The following KASH5 variants were observed in gnomAD, a reference collection of about 807,000 sequenced individuals.
KASH5 encodes the protein protein KASH5.
In KASH5, 72 loss-of-function variants were observed where a neutral mutation model predicts 84.2. That is an observed-to-expected ratio of 0.85 (90% CI 0.71 to 1.04). KASH5 has a LOEUF of 1.04. KASH5 is among the 50% of genes least tolerant of loss of function. The pLI is 0.00. For missense variants in KASH5, 650 were observed against 701.0 expected, an observed-to-expected ratio of 0.93 and a Z score of 0.82; for synonymous variants, 260 against 279.1, an observed-to-expected ratio of 0.93 and a Z score of 0.68.
Position 49,395,404 on chromosome 19 carries a change from TGAGGCTGTG to T in KASH5, c.335+116_335+124del. On this transcript the variant is annotated intron_variant, in intron 4 of 19. Coordinates refer to ENST00000447857, the MANE Select transcript of KASH5 (RefSeq NM_144688.5). The surrounding 1 kb of genome is among the most constrained non-coding windows in gnomAD (Gnocchi z 4.4). Reference sequence around the variant, plus strand: ...GCCCAAGGACCTACTGTGTTTGGAATGAGGCTGTGGAGAGAAAAATGAAGAGACGGGATT... The same window carrying T: ...GCCCAAGGACCTACTGTGTTTGGAATGAGAGAAAAATGAAGAGACGGGATT... The T allele has an allele frequency of 8.5e-7, 1 of 1,179,742 alleles. No individual in the cohort carries two copies. 73.1% of individuals were successfully genotyped at this position (1,179,742 alleles called of 1,614,324 possible). A position where few individuals can be genotyped will look rare whatever the true frequency, so the allele number is the denominator to read the frequency against.
At chr19:49,415,403 T>C (rs1974873378) in intron 17 of KASH5, 2 of 315,846 alleles carry the variant, frequency 6.3e-6, no homozygotes, top group Non-Finnish European at 1.2e-5. Context: ...CCCCCCTGCC[T>C]GCAGCCACAC....
intron 2 of KASH5, among the ~76,000 whole-genome samples, chr19:49,392,145 C>T (rs972714052): frequency 6.6e-6 from 1 of 151,956 alleles, no homozygotes; most frequent in African/African-American, 2.4e-5. Flanking sequence ...GGTAGGAACA[C>T]ACCCAGAAGG....
At chr19:49,393,066 C>A (rs73931776) in intron 2 of KASH5, among the ~76,000 whole-genome samples, 1 of 152,086 alleles carries the variant, frequency 6.6e-6, no homozygotes, top group Non-Finnish European at 1.5e-5. Flanking sequence ...TGCAGAGAAT[C>A]CTGGAAGAGT....
At chr19:49,390,074 A>G (rs1456769460) in intron 1 of KASH5, 1 of 152,396 alleles carries the variant, frequency 6.6e-6, no homozygotes, top group Non-Finnish European at 1.5e-5. Flanking sequence ...GTCCGGGGGC[A>G]TTAGGGAGCC....
In KASH5 at chr19:49,416,994, G is replaced by A. The variant is rs766631277; in HGVS notation, c.1375-21G>A. 6.7e-5 allele frequency: 105 copies of A among 1,571,766 alleles called. No homozygotes were observed. Among genetic ancestry groups the A allele is most frequent in the Non-Finnish European group, 8.5e-5 (98 of 1,159,166 alleles). ...CAGTCCAGAACCCGGTGCCTCCAAC[G>A]CATCTCTTCTGTCCTTGCAGGCTGA... is the stretch of plus-strand genomic sequence containing the variant. On this transcript the variant is annotated intron_variant, in intron 17 of 19. Coordinates refer to ENST00000447857, the MANE Select transcript of KASH5 (RefSeq NM_144688.5). The surrounding 1 kb of genome is among the most constrained non-coding windows in gnomAD (Gnocchi z 5.4).
intron 2 of KASH5, chr19:49,393,532 C>T (rs1270547824): frequency 1.3e-5 from 2 of 152,306 alleles, no homozygotes; most frequent in Admixed American, 6.5e-5. Flanking sequence ...GGCAGGGAGC[C>T]TAGAAGTTCA....
chr19:49,399,919 T>C lies in KASH5; in HGVS notation c.798+412T>C, dbSNP rs1200754866. The C allele has an allele frequency of 5.3e-6, 1 of 190,178 alleles. No individual in the cohort carries two copies. Among genetic ancestry groups the C allele is most frequent in the Non-Finnish European group, 1.1e-5 (1 of 90,742 alleles). The allele number at this position is 190,178 out of a possible 1,614,324, so 11.8% of individuals were successfully genotyped here. On this transcript the variant is annotated intron_variant, in intron 9 of 19. Coordinates refer to ENST00000447857, the MANE Select transcript of KASH5 (RefSeq NM_144688.5). The surrounding 1 kb of genome is among the most constrained non-coding windows in gnomAD (Gnocchi z 4.4). Reference sequence around the variant, plus strand: ...TAAAAGTTATCTAGCATTGTTTCTATATTAGTATTTTTTACAGTGAATAAA... The same window carrying C: ...TAAAAGTTATCTAGCATTGTTTCTACATTAGTATTTTTTACAGTGAATAAA...
At chr19:49,410,371 G>C (rs1425994517) in intron 15 of KASH5, among the ~76,000 whole-genome samples, 1 of 151,870 alleles carries the variant, frequency 6.6e-6, no homozygotes, top group East Asian at 1.9e-4. Context: ...GTCTTATTCT[G>C]TTGCCAAGGC....
Position 49,394,875 on chromosome 19 carries a change from T to C in KASH5, c.149-231T>C, listed in dbSNP as rs545436402. 4.4e-4 allele frequency: 262 copies of C among 590,916 alleles called. 4 individuals are homozygous for C. The South Asian group carries it at 5.0e-3, about 11-fold the overall frequency. 36.6% of individuals were successfully genotyped at this position (590,916 alleles called of 1,614,324 possible). ...CGTGGGGCATGGCTGATGCTGTCCC[T>C]ATGTCCATCCCCTTTGGTTTACCCT... is the stretch of plus-strand genomic sequence containing the variant. On this transcript the variant is annotated intron_variant, in intron 3 of 19. Transcript: ENST00000447857.
rs2122219155 is a variant in KASH5 at position 49,412,317 on chromosome 19, G to A, written c.1270-651G>A. Among the ~76,000 whole-genome samples, 1 of 152,190 alleles carries A rather than the reference G, an allele frequency of 6.6e-6. No individual in the cohort carries two copies. The highest frequency in any genetic ancestry group is 2.4e-5 in the African/African-American group (1 of 41,522). ...ACAGACAGACATAATTGGGGTGGAG[G>A]GACAGAGCAGGGGTCAGACGGGATG... On this transcript the variant is annotated intron_variant, in intron 15 of 19. Coordinates refer to ENST00000447857, the MANE Select transcript of KASH5 (RefSeq NM_144688.5). This position sits in a 1 kb window ranked among gnomAD's most constrained non-coding sequence, Gnocchi z 4.6.
chr19:49,399,661 G>A lies in KASH5; in HGVS notation c.798+154G>A. ...AATGTCCCTGAGGTTATATCACACT[G>A]TGAGAACAGCCGTGGTTTACAAGAG... On this transcript the variant is annotated intron_variant, in intron 9 of 19. Transcript: ENST00000447857. The surrounding 1 kb of genome is among the most constrained non-coding windows in gnomAD (Gnocchi z 4.4). 6.7e-7 allele frequency: 1 copy of A among 1,495,712 alleles called. No individual in the cohort carries two copies. Among genetic ancestry groups the A allele is most frequent in the Admixed American group, 2.1e-5 (1 of 47,832 alleles). The allele number at this position is 1,495,712 out of a possible 1,614,324, so 92.7% of individuals were successfully genotyped here. A position where few individuals can be genotyped will look rare whatever the true frequency, so the allele number is the denominator to read the frequency against.
chr19:49,396,250 T>A (rs11670630), intron 5 of KASH5, among the ~76,000 whole-genome samples: 5 of 78,020 alleles, frequency 6.4e-5, no homozygotes, highest in African/African-American at 2.6e-4. Context: ...GGACTTTTTT[T>A]TTTTTTTTTT....
rs774595587 is a variant in KASH5, at chr19:49,417,161, C to T, written c.1442C>T (p.Pro481Leu). ...GDIPENPPER[P>L]ARRELQQALV... is the part of the protein sequence containing the mutation. ...GATTCCCTCCTTCACCCCAGCAGAC[C>T]TGCGCGGCGGGAACTCCAGCAAGCC... Residue 481 changes from proline to leucine, a missense_variant and splice_region_variant, in exon 19 of 20, where the codon CCT becomes CTT. Pro to Leu is a moderately conservative substitution (Grantham distance 98, BLOSUM62 -3). Coordinates refer to ENST00000447857, the MANE Select transcript of KASH5 (RefSeq NM_144688.5). This position sits in a 1 kb window ranked among gnomAD's most constrained non-coding sequence, Gnocchi z 5.2. The T allele has an allele frequency of 5.5e-5, 89 of 1,613,526 alleles. No homozygotes were observed. Among genetic ancestry groups the T allele is most frequent in the Non-Finnish European group, 7.1e-5 (84 of 1,179,766 alleles).
intron 6 of KASH5, 61 bp from the exon 7 acceptor site, chr19:49,397,921 C>A: frequency 6.4e-7 from 1 of 1,571,636 alleles, no homozygotes; most frequent in Non-Finnish European, 8.7e-7. Flanking sequence ...GCACCTACCT[C>A]GACCCGGGGA....
Position 49,413,543 on chromosome 19 carries a change from G to A in KASH5, c.1328+517G>A, listed in dbSNP as rs148132949. ...TCCCCTCTTTCAGGCTCCCAGCTGCGGCTACTAATGAGGCTGCCTGCCAAG... is the reference window on the plus strand; with the variant it reads ...TCCCCTCTTTCAGGCTCCCAGCTGCAGCTACTAATGAGGCTGCCTGCCAAG... On this transcript the variant is annotated intron_variant, in intron 16 of 19. Transcript: ENST00000447857. Among the ~76,000 whole-genome samples, 476 of 152,272 alleles carry A rather than the reference G, an allele frequency of 3.1e-3. 7 individuals are homozygous for A. Among genetic ancestry groups the A allele is most frequent in the Non-Finnish European group, 4.5e-3 (308 of 68,024 alleles).
intron 16 of KASH5, among the ~76,000 whole-genome samples, chr19:49,413,248 C>T (rs1238100916): frequency 1.3e-5 from 2 of 152,220 alleles, no homozygotes; most frequent in Non-Finnish European, 2.9e-5. Flanking sequence ...TGGGGGAGGG[C>T]TCCCAGCGAG....
intron 9 of KASH5, among the ~76,000 whole-genome samples, chr19:49,403,388 G>C (rs56146446): frequency 9.9e-5 from 14 of 141,576 alleles, no homozygotes; most frequent in African/African-American, 2.5e-4. Context: ...AAAAAAAAGG[G>C]GGGGGGCAGC....
In KASH5 at chr19:49,415,319, G is replaced by A. The variant is rs1274466726; in HGVS notation, c.1374+323G>A. 23 of 416,552 alleles carry A rather than the reference G, an allele frequency of 5.5e-5. No individual in the cohort carries two copies. In the Admixed American group the frequency reaches 7.3e-4, roughly 13 times the overall value. 25.8% of individuals were successfully genotyped at this position (416,552 alleles called of 1,614,324 possible). ...ATTGCATAAATGCACACGCACATGCGCCCACACTCGGGAGAGGTTGGGCCG... is the reference window on the plus strand; with the variant it reads ...ATTGCATAAATGCACACGCACATGCACCCACACTCGGGAGAGGTTGGGCCG... On this transcript the variant is annotated intron_variant, in intron 17 of 19. Coordinates refer to ENST00000447857, the MANE Select transcript of KASH5 (RefSeq NM_144688.5).
chr19:49,405,746 C>T (rs2122177246), intron 9 of KASH5, among the ~76,000 whole-genome samples: 1 of 151,972 alleles, frequency 6.6e-6, no homozygotes, highest in South Asian at 2.1e-4. Flanking sequence ...CGCCTGAGGT[C>T]AGGAGTTCAA....
Sources: gnomAD v4.1 joint callset for allele counts (sites outside exome capture counted in the v4.1 genomes callset) on GRCh38, gnomAD v4.1.1 for gene constraint, Gnocchi (gnomAD v3.1) non-coding constraint, MANE v1.5 for transcripts, NCBI Gene and HGNC (gene_info 2026-07-23, HGNC 2026-07-21) for gene names.